ACBD3: variants seen among roughly 807,000 people sequenced by gnomAD.
ACBD3 encodes the protein Golgi resident protein GCP60.
ACBD3 carries 30 observed loss-of-function variants against 66.9 expected under a neutral mutation model. That is an observed-to-expected ratio of 0.45 (90% CI 0.34 to 0.61). ACBD3 has a LOEUF of 0.61. ACBD3 is among the 20% of genes least tolerant of loss of function. The probability of loss-of-function intolerance (pLI) is 0.02; values close to 1 mark genes in which losing one functional copy is unlikely to be tolerated. For missense variants in ACBD3, 544 were observed against 664.5 expected, an observed-to-expected ratio of 0.82 and a Z score of 1.99; for synonymous variants, 278 against 259.8, an observed-to-expected ratio of 1.07 and a Z score of -0.68.
chr1:226,161,740 A>ACCT (rs1415039177), intron 3 of ACBD3, 51 bp from the exon 4 acceptor site: 1 of 1,501,934 alleles, frequency 6.7e-7, no homozygotes, highest in Non-Finnish European at 8.9e-7. Context: ...CCTGTTTAAA[A>ACCT]ATAAAACTTT....
At chr1:226,166,985 G>A (rs545385376) in intron 1 of ACBD3, among the ~76,000 whole-genome samples, 36 of 151,192 alleles carry the variant, frequency 2.4e-4, no homozygotes, top group Admixed American at 6.6e-4. Flanking sequence ...TTGCAGAGAC[G>A]ATGTCTTACA....
intron 1 of ACBD3, 148 bp from the exon 2 acceptor site, chr1:226,166,148 C>A: frequency 1.0e-6 from 1 of 976,362 alleles, no homozygotes. Flanking sequence ...ATTTCAATTA[C>A]TACTTTTAAA....
At chr1:226,185,344 G>GT (rs1656271277) in intron 1 of ACBD3, among the ~76,000 whole-genome samples, 1 of 152,168 alleles carries the variant, frequency 6.6e-6, no homozygotes, top group South Asian at 2.1e-4. Flanking sequence ...ACTTCCGTGT[G>GT]TATCATTACA....
intron 1 of ACBD3, among the ~76,000 whole-genome samples, chr1:226,169,747 C>A (rs1429468776): frequency 5.3e-5 from 8 of 149,998 alleles, no homozygotes; most frequent in Admixed American, 2.0e-4. Flanking sequence ...AGCAGCCGGG[C>A]ACAGTGGCTC....
intron 1 of ACBD3, among the ~76,000 whole-genome samples, chr1:226,181,700 A>G (rs1293841868): frequency 6.6e-6 from 1 of 152,200 alleles, no homozygotes; most frequent in East Asian, 1.9e-4. Context: ...ACTATTGACA[A>G]TTATTACTCT....
rs537694201 is a variant in ACBD3, at chr1:226,186,710, G to C, written c.-35C>G. On this transcript the variant is annotated 5_prime_UTR_variant, in exon 1 of 8. Transcript: ENST00000366812. ...CTGCACCTCCTCAGCGGGGACAGAC[G>C]GCAGCCACGTATCGACTTCCTGCTG... The C allele has an allele frequency of 2.8e-6, 4 of 1,445,418 alleles. No individual in the cohort carries two copies. Among genetic ancestry groups the C allele is most frequent in the Admixed American group, 2.6e-5 (1 of 38,474 alleles). The allele number at this position is 1,445,418 out of a possible 1,614,324, so 89.5% of individuals were successfully genotyped here.
intron 1 of ACBD3, among the ~76,000 whole-genome samples, chr1:226,182,370 G>A (rs952985666): frequency 6.6e-6 from 1 of 152,038 alleles, no homozygotes; most frequent in African/African-American, 2.4e-5. Flanking sequence ...TAATCCCAGC[G>A]CTTTGGAAGG....
intron 6 of ACBD3, 83 bp downstream of exon 6, chr1:226,154,564 C>T: frequency 6.9e-7 from 1 of 1,446,184 alleles, no homozygotes; most frequent in Non-Finnish European, 9.3e-7. Context: ...TTCTCAAAAG[C>T]TAATTATAAC....
intron 1 of ACBD3, among the ~76,000 whole-genome samples, chr1:226,175,741 G>A (rs1558130772): frequency 1.3e-5 from 2 of 151,932 alleles, no homozygotes; most frequent in South Asian, 2.1e-4. Flanking sequence ...TGGGGAGAAG[G>A]CCTAGGAAAT....
chr1:226,155,014 A>C, intron 5 of ACBD3, 181 bp from the exon 6 acceptor site: 1 of 404,070 alleles, frequency 2.5e-6, no homozygotes, highest in Admixed American at 4.4e-5. Flanking sequence ...ACAATATCAA[A>C]CTGACAGCTA....
At chr1:226,157,820 G>A (rs1007118462) in intron 5 of ACBD3, among the ~76,000 whole-genome samples, 1 of 152,206 alleles carries the variant, frequency 6.6e-6, no homozygotes, top group Non-Finnish European at 1.5e-5. Flanking sequence ...TGGGATTAAA[G>A]GCATGAGCCA....
rs1659435456 is a variant in ACBD3, at chr1:226,145,767, TGA to T, written c.*841_*842del. 1 of 152,624 alleles carries T rather than the reference TGA, an allele frequency of 6.6e-6. No homozygotes were observed. Among genetic ancestry groups the T allele is most frequent in the South Asian group, 2.1e-4 (1 of 4,834 alleles). 9.5% of individuals were successfully genotyped at this position (152,624 alleles called of 1,614,324 possible). ...TATTTTAATTCAGTAGGTGCCAATT[TGA>T]GTTTATAAAATCCTTAATTTTATTC... is the stretch of plus-strand genomic sequence containing the variant. On this transcript the variant is annotated 3_prime_UTR_variant, in exon 8 of 8. Transcript: ENST00000366812.
At chr1:226,152,133 A>G (rs1198000088) in intron 7 of ACBD3, among the ~76,000 whole-genome samples, 1 of 152,242 alleles carries the variant, frequency 6.6e-6, no homozygotes, top group Non-Finnish European at 1.5e-5. Context: ...CCTGGCATTC[A>G]GAAAAATTCA....
Position 226,165,969 on chromosome 1 carries a change from A to G in ACBD3, c.318T>C (p.Tyr106=), listed in dbSNP as rs753476995. The G allele has an allele frequency of 5.6e-6, 9 of 1,610,512 alleles. No homozygotes were observed. The highest frequency in any genetic ancestry group is 5.6e-5 in the South Asian group (5 of 89,788). Residue 106 remains tyrosine, a synonymous_variant, in exon 2 of 8, where the codon TAT becomes TAC. Coordinates refer to ENST00000366812, the MANE Select transcript of ACBD3 (RefSeq NM_022735.4). The part of the protein sequence containing the change: ...EKDGKAFHPT[Y]EEKLKLVALH... ...GTGCCACAAGCTTCAATTTTTCTTC[A>G]TAAGTTGGATGAAATGCTTTGCCAT...
At chr1:226,168,575 G>C (rs1399436875) in intron 1 of ACBD3, among the ~76,000 whole-genome samples, 1 of 152,198 alleles carries the variant, frequency 6.6e-6, no homozygotes, top group African/African-American at 2.4e-5. Flanking sequence ...GTTTATATGA[G>C]TGTAGTCCCA....
At chr1:226,173,736 TTTC>T (rs1168099476) in intron 1 of ACBD3, among the ~76,000 whole-genome samples, 32 of 149,574 alleles carry the variant, frequency 2.1e-4, no homozygotes, top group Admixed American at 1.7e-3. Context: ...TGAGAATAAT[TTTC>T]TTCTTTTTTT....
At chr1:226,174,937 A>T (rs905919226) in intron 1 of ACBD3, among the ~76,000 whole-genome samples, 3 of 147,104 alleles carry the variant, frequency 2.0e-5, no homozygotes, top group African/African-American at 5.0e-5. Flanking sequence ...TACTAAAAAT[A>T]AAAAAAAAAT....
intron 3 of ACBD3, among the ~76,000 whole-genome samples, chr1:226,162,102 C>A (rs1659784528): frequency 6.6e-6 from 1 of 152,202 alleles, no homozygotes; most frequent in Admixed American, 6.5e-5. Context: ...GGGGAAGAGA[C>A]TGCCTATCTC....
chr1:226,180,085 A>T (rs3008186), intron 1 of ACBD3, among the ~76,000 whole-genome samples: 2 of 151,158 alleles, frequency 1.3e-5, no homozygotes, highest in African/African-American at 2.4e-5. Context: ...GCAAGAGAAT[A>T]GTCTGAACCT....
Sources: gnomAD v4.1 joint callset for allele counts (sites outside exome capture counted in the v4.1 genomes callset) on GRCh38, gnomAD v4.1.1 for gene constraint, MANE v1.5 for transcripts, NCBI Gene and HGNC (gene_info 2026-07-23, HGNC 2026-07-21) for gene names.